TBX15: variants seen among roughly 807,000 people sequenced by gnomAD.
The protein encoded by TBX15 is T-box transcription factor 15, also known as T-box transcription factor TBX15.
TBX15 carries 18 observed loss-of-function variants against 53.9 expected under a neutral mutation model. That is an observed-to-expected ratio of 0.33 (90% confidence interval 0.23 to 0.49). The LOEUF (loss-of-function observed/expected upper bound fraction) is 0.49, where lower values mean the gene tolerates loss of function less well. Among genes scored for constraint, TBX15 ranks in the 20% least tolerant of loss-of-function variants. The probability of loss-of-function intolerance (pLI) is 0.98; values close to 1 mark genes in which losing one functional copy is unlikely to be tolerated. For synonymous variants in TBX15, 295 were observed against 278.0 expected (o/e 1.06, Z -0.61); for missense variants, 692 against 749.5 (o/e 0.92, Z 0.90).
chr1:118,893,631 AAG>A (rs1296632926), intron 7 of TBX15, among the ~76,000 whole-genome samples: 1 of 145,696 alleles, frequency 6.9e-6, no homozygotes, highest in African/African-American at 2.8e-5. Context: ...GAGAAAGAAA[AAG>A]AAAGAAAGAA....
intron 1 of TBX15, among the ~76,000 whole-genome samples, chr1:118,961,061 C>A (rs1017269603): frequency 1.3e-5 from 2 of 152,086 alleles, no homozygotes; most frequent in Non-Finnish European, 1.5e-5. Context: ...AGAGTGGTGG[C>A]CCCCAAGGAC....
chr1:118,901,654 G>A (rs552180730), intron 6 of TBX15, among the ~76,000 whole-genome samples: 1 of 152,072 alleles, frequency 6.6e-6, no homozygotes, highest in South Asian at 2.1e-4. Flanking sequence ...AAGAATCTTG[G>A]ATGTCATCTA....
chr1:118,959,890 G>A (rs1243704044), intron 1 of TBX15, among the ~76,000 whole-genome samples: 1 of 152,126 alleles, frequency 6.6e-6, no homozygotes, highest in Non-Finnish European at 1.5e-5. Flanking sequence ...CCTTGGGGTG[G>A]AGTAGAGAGG....
At chr1:118,974,958 G>A (rs540012817) in intron 1 of TBX15, among the ~76,000 whole-genome samples, 1 of 152,320 alleles carries the variant, frequency 6.6e-6, no homozygotes, top group South Asian at 2.1e-4. Context: ...ACAGTACTTA[G>A]AAATGCACGA....
At chr1:118,907,871 C>T (rs1654891008) in intron 6 of TBX15, among the ~76,000 whole-genome samples, 1 of 152,122 alleles carries the variant, frequency 6.6e-6, no homozygotes, top group Non-Finnish European at 1.5e-5. Flanking sequence ...TCCTGAAGCT[C>T]GCAGGCACTG....
At chr1:118,928,565 C>T (rs1655674549) in intron 2 of TBX15, among the ~76,000 whole-genome samples, 1 of 152,176 alleles carries the variant, frequency 6.6e-6, no homozygotes, top group African/African-American at 2.4e-5. Flanking sequence ...TGATTTATAG[C>T]TTCCCTGTAT....
chr1:118,924,210 A>G (rs918679918), intron 4 of TBX15, among the ~76,000 whole-genome samples: 6 of 152,216 alleles, frequency 3.9e-5, no homozygotes, highest in African/African-American at 1.4e-4. Flanking sequence ...ACACGCTCCA[A>G]TTATACCTGG....
At chr1:118,983,605 C>T (rs531565437) in intron 1 of TBX15, among the ~76,000 whole-genome samples, 2 of 152,310 alleles carry the variant, frequency 1.3e-5, no homozygotes, top group African/African-American at 4.8e-5. Context: ...GGGTGACCTC[C>T]GTGGAAGACC....
At position 118,883,296 on chromosome 1, in the gene TBX15, A is replaced by T. The variant is rs1304233408; in HGVS notation, c.*1436T>A. 1 of 152,594 alleles carries T rather than the reference A, an allele frequency of 6.6e-6. No homozygotes were observed. The highest frequency in any genetic ancestry group is 1.9e-4 in the East Asian group (1 of 5,186). 9.5% of individuals were successfully genotyped at this position (152,594 alleles called of 1,614,324 possible). ...TACTTGGTATTATTTGCATTTCCAC[A>T]CCATTTAAAAATTTTAGCTTGCACC... On this transcript the variant is annotated 3_prime_UTR_variant, in exon 8 of 8. Coordinates refer to ENST00000369429, the MANE Select transcript of TBX15 (RefSeq NM_001330677.2).
chr1:118,907,596 T>C (rs1185366137), intron 6 of TBX15, among the ~76,000 whole-genome samples: 1 of 152,190 alleles, frequency 6.6e-6, no homozygotes, highest in Non-Finnish European at 1.5e-5. Context: ...GTCTTGGCAG[T>C]TGTCATGCTC....
In TBX15 at chr1:118,910,132, G is replaced by A. The variant is rs1654982578; in HGVS notation, c.926+3983C>T. On this transcript the variant is annotated intron_variant, in intron 6 of 7. Coordinates refer to ENST00000369429, the MANE Select transcript of TBX15 (RefSeq NM_001330677.2). ...CTTCTTGAGCCTCTGGATTGTACTA[G>A]GAGGGATTGAGATTGACAAACCTGA... 3.3e-5 allele frequency among the ~76,000 whole-genome samples: 5 copies of A among 152,094 alleles called. No individual in the cohort carries two copies. The South Asian group carries it at 1.0e-3, about 32-fold the overall frequency.
upstream of TBX15, among the ~76,000 whole-genome samples, chr1:118,988,987 G>A (rs1657939283): frequency 6.6e-6 from 1 of 152,208 alleles, no homozygotes; most frequent in African/African-American, 2.4e-5. Context: ...TGAGAGCAAG[G>A]GGCGGGCGGC....
chr1:118,938,941 T>C (rs1656054405), intron 1 of TBX15, among the ~76,000 whole-genome samples: 1 of 152,222 alleles, frequency 6.6e-6, no homozygotes, highest in African/African-American at 2.4e-5. Flanking sequence ...ATTGCTGTAC[T>C]ATTCAAAATA....
At chr1:118,958,577 TATA>T (rs1347815638) in intron 1 of TBX15, among the ~76,000 whole-genome samples, 1 of 152,242 alleles carries the variant, frequency 6.6e-6, no homozygotes, top group Non-Finnish European at 1.5e-5. Flanking sequence ...TGATCAGTGA[TATA>T]ATTTTTGCCT....
intron 1 of TBX15, among the ~76,000 whole-genome samples, chr1:118,960,621 C>A (rs1400779447): frequency 6.6e-6 from 1 of 152,144 alleles, no homozygotes; most frequent in Non-Finnish European, 1.5e-5. Flanking sequence ...GGAAGGCCTG[C>A]CAGGGTAGAA....
At chr1:118,921,717 T>C (rs933659081) in intron 5 of TBX15, among the ~76,000 whole-genome samples, 9 of 152,214 alleles carry the variant, frequency 5.9e-5, no homozygotes, top group African/African-American at 2.2e-4. Context: ...ATTCCCTCTA[T>C]TGTCTTTTCT....
At chr1:118,974,673 T>A (rs2101708310) in intron 1 of TBX15, among the ~76,000 whole-genome samples, 1 of 152,290 alleles carries the variant, frequency 6.6e-6, no homozygotes, top group African/African-American at 2.4e-5. Flanking sequence ...AAGTGTTCAT[T>A]GAGAAGAGAG....
chr1:118,893,390 AAAGAAAGAAAGAAAGAAAGG>A lies in TBX15; in HGVS notation c.1024+5618_1024+5637del, dbSNP rs1557872617. 6.5e-5 allele frequency among the ~76,000 whole-genome samples: 9 copies of A among 138,616 alleles called. 1 individual carries two copies. Among genetic ancestry groups the A allele is most frequent in the African/African-American group, 2.6e-4 (9 of 34,370 alleles). The allele number at this position is 138,616 out of a possible 152,430, so 90.9% of individuals were successfully genotyped here. ...GAAAGAAAGAAAGAAAGAAAGAAAG[AAAGAAAGAAAGAAAGAAAGG>A]AAGAAGGAAAGAAAGATGGAAGGAA... On this transcript the variant is annotated intron_variant, in intron 7 of 7. Transcript: ENST00000369429.
At chr1:118,960,992 G>A (rs1025115743) in intron 1 of TBX15, among the ~76,000 whole-genome samples, 3 of 152,204 alleles carry the variant, frequency 2.0e-5, no homozygotes, top group African/African-American at 7.2e-5. Context: ...GCAGTAGCAG[G>A]AAAGGCTGGG....
Sources: allele counts gnomAD v4.1 joint callset (sites outside exome capture counted in the v4.1 genomes callset), GRCh38; gene constraint gnomAD v4.1.1; transcripts MANE v1.5; gene names NCBI Gene and HGNC (gene_info 2026-07-23, HGNC 2026-07-21).